The following INVS variants were observed in gnomAD, a reference collection of about 807,000 sequenced individuals.
INVS encodes the protein inversion of embryo turning homolog.
INVS carries 86 observed loss-of-function variants against 108.8 expected under a neutral mutation model. That is an observed-to-expected ratio of 0.79 (90% CI 0.66 to 0.95). The LOEUF (loss-of-function observed/expected upper bound fraction) is 0.95, where lower values mean the gene tolerates loss of function less well. Ranked by LOEUF, INVS falls within the 40% of genes least tolerant of loss-of-function variation. The pLI is 0.00. For missense variants in INVS, 1,169 were observed against 1,297.4 expected (o/e 0.90, Z 1.52); for synonymous variants, 455 against 473.5 (o/e 0.96, Z 0.51).
At chr9:100,254,410 C>T (rs952329888) in intron 10 of INVS, among the ~76,000 whole-genome samples, 7 of 152,114 alleles carry the variant, frequency 4.6e-5, no homozygotes, top group Non-Finnish European at 8.8e-5. Flanking sequence ...TGCAGAAGCT[C>T]TTTAGTTTAA....
intron 10 of INVS, among the ~76,000 whole-genome samples, chr9:100,254,988 A>C (rs2118574973): frequency 6.6e-6 from 1 of 152,280 alleles, no homozygotes; most frequent in South Asian, 2.1e-4. Context: ...ATGGCATTGA[A>C]TCTATAAATT....
At chr9:100,117,602 G>GGGCCCC in intron 2 of INVS, 1 of 672,478 alleles carries the variant, frequency 1.5e-6, no homozygotes, top group Non-Finnish European at 2.5e-6. Context: ...AGGGCCTCCG[G>GGGCCCC]CCCCCCGCCC....
intron 3 of INVS, among the ~76,000 whole-genome samples, chr9:100,195,757 G>A (rs564014180): frequency 1.3e-5 from 2 of 152,162 alleles, no homozygotes; most frequent in African/African-American, 4.8e-5. Context: ...CAAAATGCTG[G>A]GATTACAGGC....
intron 5 of INVS, among the ~76,000 whole-genome samples, chr9:100,236,115 G>T (rs998347132): frequency 6.6e-6 from 1 of 152,086 alleles, no homozygotes; most frequent in Non-Finnish European, 1.5e-5. Context: ...TTGATCTTCA[G>T]TCTCTGATAT....
intron 3 of INVS, among the ~76,000 whole-genome samples, chr9:100,167,094 G>A (rs566268933): frequency 2.6e-5 from 4 of 152,110 alleles, no homozygotes; most frequent in South Asian, 2.1e-4. Flanking sequence ...ACCCAGATAC[G>A]GTGGTGTGTG....
At chr9:100,175,365 C>G in intron 3 of INVS, 1 of 775,780 alleles carries the variant, frequency 1.3e-6, no homozygotes, top group Non-Finnish European at 2.3e-6. Flanking sequence ...CAAAGGCAGA[C>G]AACTCACTTC....
chr9:100,240,015 T>G, intron 5 of INVS, 45 bp from the exon 6 acceptor site: 28 of 1,495,928 alleles, frequency 1.9e-5, no homozygotes, highest in Non-Finnish European at 2.4e-5. Flanking sequence ...TGTAATTTAT[T>G]GAGGATTCCA....
intron 13 of INVS, among the ~76,000 whole-genome samples, chr9:100,289,146 T>C (rs1833537805): frequency 6.6e-6 from 1 of 152,238 alleles, no homozygotes; most frequent in Non-Finnish European, 1.5e-5. Context: ...TTGTTCTACA[T>C]TCCACCTGGA....
At chr9:100,208,262 AT>A (rs1830733384) in intron 3 of INVS, among the ~76,000 whole-genome samples, 1 of 152,208 alleles carries the variant, frequency 6.6e-6, no homozygotes, top group African/African-American at 2.4e-5. Context: ...AGAAGATACA[AT>A]TTTGAATTCA....
At chr9:100,284,832 GTTTT>G (rs530583139) in intron 13 of INVS, among the ~76,000 whole-genome samples, 2 of 151,884 alleles carry the variant, frequency 1.3e-5, no homozygotes, top group Admixed American at 6.6e-5. Context: ...TTGATTTATG[GTTTT>G]TTGTTTTCTT....
chr9:100,186,870 G>T (rs1215748667), intron 3 of INVS, among the ~76,000 whole-genome samples: 1 of 151,614 alleles, frequency 6.6e-6, no homozygotes, highest in African/African-American at 2.4e-5. Context: ...TTTTTATTAG[G>T]TCTCATTTAT....
intron 11 of INVS, among the ~76,000 whole-genome samples, chr9:100,269,241 T>G (rs1832878449): frequency 6.6e-6 from 1 of 152,188 alleles, no homozygotes; most frequent in Admixed American, 6.5e-5. Flanking sequence ...ATTTATAAAA[T>G]GAAGGTATTG....
At chr9:100,234,541 TC>T (rs1286995071) in intron 5 of INVS, among the ~76,000 whole-genome samples, 2 of 152,248 alleles carry the variant, frequency 1.3e-5, no homozygotes, top group Non-Finnish European at 2.9e-5. Flanking sequence ...TTTAGCTGTG[TC>T]CCGCAGATTC....
At chr9:100,118,647 G>A (rs1349658232) in intron 2 of INVS, among the ~76,000 whole-genome samples, 1 of 151,956 alleles carries the variant, frequency 6.6e-6, no homozygotes, top group Non-Finnish European at 1.5e-5. Context: ...GTATATGAAT[G>A]CCAAATTTTT....
chr9:100,189,106 C>CTTTTTTTTTTTTTTTTTTTTTTTT (rs60762136), intron 3 of INVS, among the ~76,000 whole-genome samples: 15 of 69,552 alleles, frequency 2.2e-4, no homozygotes, highest in African/African-American at 4.8e-4. Flanking sequence ...TTTGCATCTT[C>CTTTTTTTTTTTTTTTTTTTTTTTT]TTTTTTTTTT....
intron 4 of INVS, among the ~76,000 whole-genome samples, chr9:100,229,193 C>G (rs933876072): frequency 2.6e-5 from 4 of 152,194 alleles, no homozygotes; most frequent in Non-Finnish European, 5.9e-5. Context: ...CATAGCTGCT[C>G]TTTGGCATAT....
At chr9:100,236,724 T>A (rs750981194) in intron 5 of INVS, among the ~76,000 whole-genome samples, 2 of 152,202 alleles carry the variant, frequency 1.3e-5, no homozygotes, top group Non-Finnish European at 2.9e-5. Context: ...TGTTCTTTCC[T>A]CTGGATGCTT....
chr9:100,145,555 A>G (rs995976849), intron 3 of INVS, among the ~76,000 whole-genome samples: 2 of 151,492 alleles, frequency 1.3e-5, no homozygotes, highest in Non-Finnish European at 2.9e-5. Flanking sequence ...CTAAGGGTGA[A>G]GGAGAAGGGG....
At chr9:100,250,115 AT>A (rs1488834513) in intron 8 of INVS, among the ~76,000 whole-genome samples, 1 of 152,138 alleles carries the variant, frequency 6.6e-6, no homozygotes, top group Non-Finnish European at 1.5e-5. Context: ...AAAAAATAAA[AT>A]AAAAATAACC....
Sources: gnomAD v4.1 joint callset for allele counts (sites outside exome capture counted in the v4.1 genomes callset) on GRCh38, gnomAD v4.1.1 for gene constraint, MANE v1.5 for transcripts, NCBI Gene and HGNC (gene_info 2026-07-23, HGNC 2026-07-21) for gene names.